DCDC1: variants seen among roughly 807,000 people sequenced by gnomAD.
DCDC1 encodes the protein doublecortin domain containing 1.
In DCDC1, 200 loss-of-function variants were observed where a neutral mutation model predicts 178.3. That is an observed-to-expected ratio of 1.12 (90% CI 1.00 to 1.26). DCDC1 has a LOEUF of 1.26. DCDC1 is among the 50% of genes most tolerant of loss of function. The pLI, the probability that DCDC1 is intolerant of heterozygous loss-of-function variation, is 0.00. For synonymous variants in DCDC1, 690 were observed against 604.8 expected, an observed-to-expected ratio of 1.14 and a Z score of -2.07; for missense variants, 1,983 against 1,749.2, an observed-to-expected ratio of 1.13 and a Z score of -2.38.
intron 9 of DCDC1, among the ~76,000 whole-genome samples, chr11:31,226,788 C>T (rs2616819): frequency 4.6e-5 from 7 of 150,718 alleles, no homozygotes; most frequent in East Asian, 1.9e-4. Context: ...CCTAAGAGGA[C>T]GCTTGGATTT....
At chr11:31,014,418 T>G (rs1952359046) in intron 20 of DCDC1, among the ~76,000 whole-genome samples, 1 of 152,102 alleles carries the variant, frequency 6.6e-6, no homozygotes, top group African/African-American at 2.4e-5. Flanking sequence ...AAGTGGATTC[T>G]CCAGCCCCAC....
intron 20 of DCDC1, among the ~76,000 whole-genome samples, chr11:31,002,851 T>C (rs1951647239): frequency 6.6e-6 from 1 of 152,148 alleles, no homozygotes; most frequent in Non-Finnish European, 1.5e-5. Flanking sequence ...ATAAGTGCTA[T>C]AAATTTCTGT....
intron 19 of DCDC1, 117 bp from the exon 20 acceptor site, chr11:31,064,743 C>A: frequency 1.6e-6 from 1 of 625,636 alleles, no homozygotes; most frequent in Non-Finnish European, 2.9e-6. Flanking sequence ...GTTTCTACAA[C>A]ACATAAGTCC....
chr11:31,240,541 C>T (rs1976990484), intron 9 of DCDC1, among the ~76,000 whole-genome samples: 1 of 151,924 alleles, frequency 6.6e-6, no homozygotes, highest in Non-Finnish European at 1.5e-5. Context: ...TAGCCCATTC[C>T]CACCTCCCCT....
At chr11:31,285,049 A>C (rs1210091584) in intron 7 of DCDC1, among the ~76,000 whole-genome samples, 1 of 152,104 alleles carries the variant, frequency 6.6e-6, no homozygotes, top group Non-Finnish European at 1.5e-5. Context: ...TATTTCCATT[A>C]AATACATTCT....
At chr11:31,325,637 T>C (rs749584884) in intron 3 of DCDC1, among the ~76,000 whole-genome samples, 8 of 152,058 alleles carry the variant, frequency 5.3e-5, no homozygotes, top group Non-Finnish European at 5.9e-5. Context: ...AAAAGTAAAC[T>C]GATAGCATCA....
chr11:31,113,992 A>G (rs1959442332), intron 11 of DCDC1, among the ~76,000 whole-genome samples: 3 of 152,102 alleles, frequency 2.0e-5, no homozygotes, highest in Admixed American at 6.6e-5. Context: ...ACCCACCCAC[A>G]TACTTTTGGT....
intron 17 of DCDC1, among the ~76,000 whole-genome samples, chr11:31,087,335 C>A (rs1043322666): frequency 2.6e-5 from 4 of 151,316 alleles, no homozygotes; most frequent in African/African-American, 9.7e-5. Flanking sequence ...CATTGGTTTT[C>A]TTTTTTTTCT....
intron 2 of DCDC1, among the ~76,000 whole-genome samples, chr11:31,329,439 G>C (rs1238055127): frequency 6.6e-6 from 1 of 151,908 alleles, no homozygotes; most frequent in Non-Finnish European, 1.5e-5. Context: ...ACATACATGT[G>C]CATAACGTGC....
chr11:31,244,657 C>A (rs553806342), intron 8 of DCDC1, among the ~76,000 whole-genome samples: 53 of 151,814 alleles, frequency 3.5e-4, no homozygotes, highest in African/African-American at 1.2e-3. Context: ...TTTCATTAAG[C>A]TAACCCTCAA....
intron 8 of DCDC1, among the ~76,000 whole-genome samples, chr11:31,245,215 T>A (rs1388472604): frequency 6.6e-6 from 1 of 151,474 alleles, no homozygotes; most frequent in Admixed American, 6.6e-5. Flanking sequence ...TTTTTTCTTA[T>A]TGATTTGTAT....
At chr11:31,095,486 T>C (rs116099649) in intron 15 of DCDC1, among the ~76,000 whole-genome samples, 173 of 152,310 alleles carry the variant, frequency 1.1e-3, no homozygotes, top group African/African-American at 4.0e-3. Context: ...CATATCTTGC[T>C]AACAGCAGAT....
At chr11:30,872,009 T>C (rs538630539) in intron 38 of DCDC1, among the ~76,000 whole-genome samples, 1 of 152,200 alleles carries the variant, frequency 6.6e-6, no homozygotes, top group Non-Finnish European at 1.5e-5. Flanking sequence ...AGACATTGTG[T>C]ATTACATTAA....
intron 9 of DCDC1, among the ~76,000 whole-genome samples, chr11:31,199,864 A>G (rs1168780574): frequency 6.6e-6 from 1 of 152,148 alleles, no homozygotes; most frequent in African/African-American, 2.4e-5. Flanking sequence ...ATGACAAAAT[A>G]GTAATTCAAT....
At chr11:31,303,068 G>A (rs887937969) in intron 6 of DCDC1, among the ~76,000 whole-genome samples, 3 of 152,076 alleles carry the variant, frequency 2.0e-5, no homozygotes, top group African/African-American at 4.8e-5. Context: ...CTATGCTGGG[G>A]CACACATAGT....
chr11:31,065,892 C>A (rs74526613), intron 18 of DCDC1, among the ~76,000 whole-genome samples: 2,303 of 152,208 alleles, frequency 0.015, 50 homozygotes, highest in African/African-American at 0.051. Context: ...CACACACAGC[C>A]CTCACGGAAC....
intron 20 of DCDC1, among the ~76,000 whole-genome samples, chr11:30,965,322 T>A (rs1018922441): frequency 6.6e-6 from 1 of 152,126 alleles, no homozygotes; most frequent in Non-Finnish European, 1.5e-5. Context: ...CCAGTCTCCA[T>A]ATCATACCAC....
chr11:31,065,177 A>C, intron 18 of DCDC1, 24 bp from the exon 19 acceptor site: 1 of 732,824 alleles, frequency 1.4e-6, no homozygotes, highest in African/African-American at 1.7e-5. Flanking sequence ...AAAAATAACA[A>C]GTAGTATCAC....
intron 7 of DCDC1, among the ~76,000 whole-genome samples, chr11:31,289,920 T>A (rs578078988): frequency 6.6e-6 from 1 of 152,028 alleles, no homozygotes; most frequent in Admixed American, 6.6e-5. Flanking sequence ...CTCTCATACA[T>A]TCTTAACACA....
Sources: allele counts gnomAD v4.1 joint callset (sites outside exome capture counted in the v4.1 genomes callset), GRCh38; gene constraint gnomAD v4.1.1; transcripts MANE v1.5; gene names NCBI Gene and HGNC (gene_info 2026-07-23, HGNC 2026-07-21).